The following EXOC2 variants were observed in gnomAD, a reference collection of about 807,000 sequenced individuals.
The protein encoded by EXOC2 is exocyst complex component 2.
Under a neutral mutation model 131.8 loss-of-function variants are expected in EXOC2, and 70 were observed. The ratio of observed to expected loss-of-function variants is 0.53; its 90% CI spans 0.44 to 0.65. EXOC2 has a LOEUF of 0.65. EXOC2 is among the 30% of genes least tolerant of loss of function. The pLI is 0.00. For missense variants in EXOC2, 923 were observed against 1,108.6 expected (o/e 0.83, Z 2.38); for synonymous variants, 411 against 398.4 (o/e 1.03, Z -0.38).
At chr6:491,820 T>C (rs1415910595) in intron 25 of EXOC2, among the ~76,000 whole-genome samples, 1 of 152,232 alleles carries the variant, frequency 6.6e-6, no homozygotes, top group African/African-American at 2.4e-5. Flanking sequence ...ACTTCAGCCA[T>C]ACTCCAAAGC....
intron 1 of EXOC2, among the ~76,000 whole-genome samples, chr6:685,105 A>AT (rs1211785190): frequency 1.3e-4 from 19 of 150,654 alleles, no homozygotes; most frequent in Non-Finnish European, 2.4e-4. Context: ...TAGAAAGGTG[A>AT]TTTTCCCCAC....
chr6:670,793 A>T (rs1763828268), intron 1 of EXOC2, among the ~76,000 whole-genome samples: 1 of 152,212 alleles, frequency 6.6e-6, no homozygotes, highest in Non-Finnish European at 1.5e-5. Context: ...ACATCTATAG[A>T]GCTGAGAGAA....
intron 7 of EXOC2, among the ~76,000 whole-genome samples, chr6:604,021 T>A (rs970859728): frequency 1.3e-5 from 2 of 152,216 alleles, no homozygotes; most frequent in Non-Finnish European, 2.9e-5. Flanking sequence ...CACATGGTTA[T>A]GTCGCTGTAA....
In EXOC2 at chr6:598,124, C is replaced by G; in HGVS notation, c.971-1G>C. 1 of 1,596,532 alleles carries G rather than the reference C, an allele frequency of 6.3e-7. No individual in the cohort carries two copies. On this transcript the variant is annotated splice_acceptor_variant, in intron 9 of 27. Transcript: ENST00000230449. LOFTEE classifies it high-confidence loss of function. ...ATCCTTGTTTCTACTTCAGCATAATCTATTTAAAAAGAAAAGAATACACAA... is the reference window on the plus strand; with the variant it reads ...ATCCTTGTTTCTACTTCAGCATAATGTATTTAAAAAGAAAAGAATACACAA...
chr6:486,545 CAG>C lies in EXOC2; in HGVS notation c.*124_*125del. On this transcript the variant is annotated 3_prime_UTR_variant, in exon 28 of 28. Transcript: ENST00000230449. Reference sequence around the variant, plus strand: ...AATGTATACCAACAATTTTCGAAGTCAGAGGAAGAAAAAAGAGAAAAATGGCA... The same window carrying C: ...AATGTATACCAACAATTTTCGAAGTCAGGAAGAAAAAAGAGAAAAATGGCA... 1.2e-6 allele frequency: 1 copy of C among 810,820 alleles called. No homozygotes were observed. Among genetic ancestry groups the C allele is most frequent in the Non-Finnish European group, 2.0e-6 (1 of 507,780 alleles). 50.2% of individuals were successfully genotyped at this position (810,820 alleles called of 1,614,324 possible).
At chr6:588,570 G>T (rs1031305635) in intron 11 of EXOC2, among the ~76,000 whole-genome samples, 1 of 152,214 alleles carries the variant, frequency 6.6e-6, no homozygotes, top group Non-Finnish European at 1.5e-5. Flanking sequence ...GGCCAGGCTG[G>T]TGTTGAACTC....
intron 7 of EXOC2, among the ~76,000 whole-genome samples, chr6:603,071 C>T (rs1055050339): frequency 1.3e-5 from 2 of 152,174 alleles, no homozygotes; most frequent in South Asian, 4.2e-4. Flanking sequence ...TTGGTCCTTT[C>T]CTTGGTACTG....
intron 1 of EXOC2, among the ~76,000 whole-genome samples, chr6:662,543 T>C (rs1331014783): frequency 6.6e-6 from 1 of 152,122 alleles, no homozygotes; most frequent in Non-Finnish European, 1.5e-5. Flanking sequence ...AATAACCTGC[T>C]CCCAAATGAG....
intron 1 of EXOC2, among the ~76,000 whole-genome samples, chr6:662,912 A>C (rs1763483416): frequency 6.6e-6 from 1 of 152,146 alleles, no homozygotes; most frequent in Admixed American, 6.5e-5. Context: ...AACTGCTTGA[A>C]CCTGGAAGGT....
intron 1 of EXOC2, among the ~76,000 whole-genome samples, chr6:682,197 TTC>T (rs1764434906): frequency 7.4e-6 from 1 of 135,804 alleles, no homozygotes; most frequent in Non-Finnish European, 1.6e-5. Flanking sequence ...ATTTCCCAGT[TTC>T]TTTTTTTTTT....
At chr6:688,206 G>A (rs934731509) in intron 1 of EXOC2, among the ~76,000 whole-genome samples, 1 of 152,226 alleles carries the variant, frequency 6.6e-6, no homozygotes, top group African/African-American at 2.4e-5. Context: ...TTCGAAAAGC[G>A]TGAAAATGCT....
At chr6:572,237 G>A (rs573019093) in intron 13 of EXOC2, among the ~76,000 whole-genome samples, 19 of 152,220 alleles carry the variant, frequency 1.2e-4, no homozygotes, top group East Asian at 3.9e-4. Flanking sequence ...AAAAGAGTTC[G>A]AGCTTTCTTT....
intron 1 of EXOC2, among the ~76,000 whole-genome samples, chr6:659,923 C>A (rs1763337472): frequency 6.6e-6 from 1 of 150,420 alleles, no homozygotes; most frequent in African/African-American, 2.4e-5. Flanking sequence ...CAGAACCCAG[C>A]CTTTTTAGTT....
chr6:547,421 A>G (rs766823377), intron 22 of EXOC2, among the ~76,000 whole-genome samples: 6 of 152,222 alleles, frequency 3.9e-5, no homozygotes, highest in Non-Finnish European at 5.9e-5. Context: ...AGGTCCCCCT[A>G]TGAGAGACCC....
chr6:555,431 G>A (rs1235994115), intron 19 of EXOC2, 143 bp from the exon 20 acceptor site: 6 of 463,242 alleles, frequency 1.3e-5, no homozygotes, highest in Non-Finnish European at 1.5e-5. Flanking sequence ...ATGAATATGT[G>A]TATATACTGT....
chr6:564,159 G>A lies in EXOC2; in HGVS notation c.1668-5C>T, dbSNP rs370555147. The A allele has an allele frequency of 2.9e-5, 46 of 1,613,190 alleles. No individual in the cohort carries two copies. The highest frequency in any genetic ancestry group is 1.3e-4 in the East Asian group (6 of 44,876). On this transcript the variant is annotated splice_polypyrimidine_tract_variant and splice_region_variant and intron_variant, in intron 15 of 27. Coordinates refer to ENST00000230449, the MANE Select transcript of EXOC2 (RefSeq NM_018303.6). ...GTCAACGATTCATGAGTAAGTCTGC[G>A]AACAAACACATCCAAACAGAAGTGA...
chr6:540,080 G>C (rs774077287), intron 22 of EXOC2, among the ~76,000 whole-genome samples: 3 of 152,174 alleles, frequency 2.0e-5, no homozygotes, highest in African/African-American at 7.2e-5. Flanking sequence ...ACTTGTTAGC[G>C]AGGGCTTCCA....
rs574489964 is a variant in EXOC2 at position 488,862 on chromosome 6, C to T, written c.2681+117G>A. On this transcript the variant is annotated intron_variant, in intron 27 of 27. Transcript: ENST00000230449. ...GTAGGTATATCTGCTTATTCTGATT[C>T]TTATTTGGATTCTGCTCTTCCTAGA... 281 of 1,099,610 alleles carry T rather than the reference C, an allele frequency of 2.6e-4. No homozygotes were observed. The African/African-American group carries it at 4.1e-3, about 16-fold the overall frequency. The allele number at this position is 1,099,610 out of a possible 1,614,324, so 68.1% of individuals were successfully genotyped here.
At chr6:573,024 G>C (rs1466661239) in intron 12 of EXOC2, among the ~76,000 whole-genome samples, 1 of 152,234 alleles carries the variant, frequency 6.6e-6, no homozygotes, top group Non-Finnish European at 1.5e-5. Context: ...TAACAGCAAA[G>C]GCAGGGGCTG....
Sources: allele counts gnomAD v4.1 joint callset (sites outside exome capture counted in the v4.1 genomes callset), GRCh38; gene constraint gnomAD v4.1.1; transcripts MANE v1.5; gene names NCBI Gene and HGNC (gene_info 2026-07-23, HGNC 2026-07-21).